The following STK32B variants were observed in gnomAD, a reference collection of about 807,000 sequenced individuals.
STK32B encodes the protein serine/threonine-protein kinase 32B.
A neutral mutation model predicts 52.6 loss-of-function variants in STK32B; 43 were observed. The ratio of observed to expected loss-of-function variants is 0.82; its 90% confidence interval spans 0.64 to 1.05. The LOEUF (loss-of-function observed/expected upper bound fraction) is 1.05. Among genes scored for constraint, STK32B ranks in the 50% least tolerant of loss-of-function variants. The probability of loss-of-function intolerance (pLI) is 0.00; values close to 1 mark genes in which losing one functional copy is unlikely to be tolerated. For synonymous variants in STK32B, 238 were observed against 204.3 expected, an observed-to-expected ratio of 1.17 and a Z score of -1.41; for missense variants, 621 against 534.6, an observed-to-expected ratio of 1.16 and a Z score of -1.59.
intron 4 of STK32B, among the ~76,000 whole-genome samples, chr4:5,334,757 C>G (rs1164823556): frequency 6.6e-6 from 1 of 151,658 alleles, no homozygotes; most frequent in African/African-American, 2.4e-5. Flanking sequence ...GTCTTTGGTT[C>G]TGTTTATATG....
At chr4:5,299,415 A>C (rs903695788) in intron 3 of STK32B, among the ~76,000 whole-genome samples, 3 of 144,354 alleles carry the variant, frequency 2.1e-5, no homozygotes, top group African/African-American at 8.6e-5. Context: ...GAGGTCTTAC[A>C]TTTTTTTAAT....
the STK32B span, among the ~76,000 whole-genome samples, chr4:5,025,489 C>T: frequency 2.6e-5 from 4 of 152,188 alleles, no homozygotes; most frequent in African/African-American, 9.7e-5. Flanking sequence ...AGCTGAGCTC[C>T]TAACTCATTG....
the STK32B span, among the ~76,000 whole-genome samples, chr4:5,034,109 A>G: frequency 6.6e-6 from 1 of 152,256 alleles, no homozygotes; most frequent in East Asian, 1.9e-4. Flanking sequence ...GCGGGGACAT[A>G]GATTTCATGC....
chr4:5,257,355 G>A (rs936547959), intron 3 of STK32B, among the ~76,000 whole-genome samples: 1 of 152,146 alleles, frequency 6.6e-6, no homozygotes, highest in East Asian at 1.9e-4. Flanking sequence ...AAGTGGGTGA[G>A]TGAATGAGTA....
chr4:5,154,239 G>C (rs1291619261), intron 2 of STK32B, among the ~76,000 whole-genome samples: 1 of 133,836 alleles, frequency 7.5e-6, no homozygotes, highest in African/African-American at 2.9e-5. Flanking sequence ...TTTCATGACA[G>C]AGTTTCGCTC....
chr4:5,217,606 A>G (rs1437841975), intron 3 of STK32B, among the ~76,000 whole-genome samples: 4 of 152,246 alleles, frequency 2.6e-5, no homozygotes, highest in African/African-American at 9.6e-5. Context: ...TTAGGGCAGA[A>G]CAAATATCAT....
At chr4:5,252,166 C>CTTT (rs1725979759) in intron 3 of STK32B, among the ~76,000 whole-genome samples, 1 of 152,072 alleles carries the variant, frequency 6.6e-6, no homozygotes, top group East Asian at 1.9e-4. Flanking sequence ...GATGAGATAC[C>CTTT]TTTTCTATGC....
At chr4:5,326,937 A>G (rs1204144520) in intron 3 of STK32B, among the ~76,000 whole-genome samples, 1 of 152,180 alleles carries the variant, frequency 6.6e-6, no homozygotes, top group East Asian at 1.9e-4. Flanking sequence ...GTCCTCTCAA[A>G]TCCTACAGCC....
At chr4:5,450,421 C>T (rs1015739840) in intron 7 of STK32B, among the ~76,000 whole-genome samples, 5 of 152,164 alleles carry the variant, frequency 3.3e-5, no homozygotes, top group African/African-American at 1.2e-4. Flanking sequence ...GGTGAGCACC[C>T]ATCTGTTCAT....
chr4:5,211,402 C>T (rs961398221), intron 3 of STK32B, among the ~76,000 whole-genome samples: 1 of 150,142 alleles, frequency 6.7e-6, no homozygotes, highest in Non-Finnish European at 1.5e-5. Flanking sequence ...ACAGCTACCA[C>T]TTGGGGAGAA....
At chr4:5,256,759 C>A (rs1428759353) in intron 3 of STK32B, among the ~76,000 whole-genome samples, 3 of 152,204 alleles carry the variant, frequency 2.0e-5, no homozygotes, top group Admixed American at 2.0e-4. Flanking sequence ...GCTCTGGGCA[C>A]AAGATGGACT....
At chr4:5,331,444 G>C in intron 4 of STK32B, 51 bp downstream of exon 4, 1 of 1,564,914 alleles carries the variant, frequency 6.4e-7, no homozygotes. Flanking sequence ...ATGGGCTAGG[G>C]TGTCAGGAGC....
chr4:5,249,453 T>TCCTC (rs1725738137), intron 3 of STK32B, among the ~76,000 whole-genome samples: 1 of 60,958 alleles, frequency 1.6e-5, no homozygotes, highest in Non-Finnish European at 2.8e-5. Flanking sequence ...CTTCCTTCCT[T>TCCTC]CCTTCCTTCC....
intron 3 of STK32B, among the ~76,000 whole-genome samples, chr4:5,264,594 G>A (rs541908074): frequency 2.0e-5 from 3 of 151,832 alleles, no homozygotes; most frequent in Non-Finnish European, 4.4e-5. Flanking sequence ...AGACCATCCT[G>A]GCTAACACAA....
At chr4:5,308,681 C>G (rs991309063) in intron 3 of STK32B, among the ~76,000 whole-genome samples, 1 of 152,082 alleles carries the variant, frequency 6.6e-6, no homozygotes, top group Non-Finnish European at 1.5e-5. Context: ...TCCAGAGCAC[C>G]TAAACCAGTG....
chr4:5,206,992 G>A (rs1722613741), intron 3 of STK32B, among the ~76,000 whole-genome samples: 1 of 152,150 alleles, frequency 6.6e-6, no homozygotes, highest in Non-Finnish European at 1.5e-5. Flanking sequence ...GGCTTTATTA[G>A]TCTTTGTGGG....
At chr4:5,418,663 GTCCACCATCT>G (rs1274819035) in intron 6 of STK32B, among the ~76,000 whole-genome samples, 3 of 152,250 alleles carry the variant, frequency 2.0e-5, no homozygotes, top group Admixed American at 1.3e-4. Flanking sequence ...GGGATGAGGA[GTCCACCATCT>G]TGGCTGAACT....
intron 1 of STK32B, among the ~76,000 whole-genome samples, chr4:5,052,435 C>G (rs561355276): frequency 6.6e-6 from 1 of 152,170 alleles, no homozygotes; most frequent in Admixed American, 6.5e-5. Flanking sequence ...TTGCTAAACT[C>G]TGTGGTTCCT....
chr4:5,197,148 G>A (rs956649152), intron 3 of STK32B, among the ~76,000 whole-genome samples: 3 of 152,024 alleles, frequency 2.0e-5, no homozygotes, highest in African/African-American at 7.3e-5. Flanking sequence ...AAGGACAATA[G>A]GGAGGGACAA....
Sources: gnomAD v4.1 joint callset for allele counts (sites outside exome capture counted in the v4.1 genomes callset) on GRCh38, gnomAD v4.1.1 for gene constraint, MANE v1.5 for transcripts, NCBI Gene and HGNC (gene_info 2026-07-23, HGNC 2026-07-21) for gene names.